NIBAN1: variants seen among roughly 807,000 people sequenced by gnomAD.
The protein encoded by NIBAN1 is protein Niban 1.
A neutral mutation model predicts 75.1 loss-of-function variants in NIBAN1; 81 were observed. That is an observed-to-expected ratio of 1.08 (90% confidence interval 0.90 to 1.30). The LOEUF (loss-of-function observed/expected upper bound fraction) is 1.30. NIBAN1 is among the 50% of genes most tolerant of loss of function. The probability of loss-of-function intolerance (pLI) is 0.00; values close to 1 mark genes in which losing one functional copy is unlikely to be tolerated. For synonymous variants in NIBAN1, 436 were observed against 424.8 expected, an observed-to-expected ratio of 1.03 and a Z score of -0.32; for missense variants, 1,133 against 1,128.1, an observed-to-expected ratio of 1.00 and a Z score of -0.06.
chr1:184,813,984 A>G (rs1317816653), intron 9 of NIBAN1, among the ~76,000 whole-genome samples: 1 of 152,240 alleles, frequency 6.6e-6, no homozygotes, highest in African/African-American at 2.4e-5. Flanking sequence ...ACTGAAAAAA[A>G]TAGGTTTACA....
At chr1:184,805,032 C>G (rs1470006327) in intron 11 of NIBAN1, among the ~76,000 whole-genome samples, 1 of 152,172 alleles carries the variant, frequency 6.6e-6, no homozygotes, top group East Asian at 1.9e-4. Context: ...TCGTGATCTG[C>G]CCGCCTCGGC....
At chr1:184,955,391 T>C (rs1054914023) in intron 1 of NIBAN1, among the ~76,000 whole-genome samples, 4 of 150,574 alleles carry the variant, frequency 2.7e-5, no homozygotes, top group Non-Finnish European at 5.9e-5. Context: ...AGATGGAGAC[T>C]TGCTCTGTCA....
At chr1:184,824,306 G>A (rs981146020) in intron 6 of NIBAN1, among the ~76,000 whole-genome samples, 6 of 152,150 alleles carry the variant, frequency 3.9e-5, no homozygotes, top group African/African-American at 4.8e-5. Flanking sequence ...TGAGAATGAC[G>A]TCTAGACCGA....
chr1:184,818,925 T>G (rs1654615098), intron 8 of NIBAN1, 100 bp from the exon 9 acceptor site: 1 of 1,335,934 alleles, frequency 7.5e-7, no homozygotes, highest in South Asian at 1.5e-5. Context: ...CGGAGCCATT[T>G]AACAGCCAAG....
chr1:184,912,246 T>C (rs1657260501), intron 1 of NIBAN1, among the ~76,000 whole-genome samples: 1 of 152,196 alleles, frequency 6.6e-6, no homozygotes, highest in African/African-American at 2.4e-5. Flanking sequence ...TATAGTACAA[T>C]TTATTTCCTT....
chr1:184,792,352 G>A lies in NIBAN1; in HGVS notation c.*2625C>T, dbSNP rs1653720993. 6.6e-6 allele frequency: 1 copy of A among 152,370 alleles called. No homozygotes were observed. The highest frequency in any genetic ancestry group is 2.1e-4 in the South Asian group (1 of 4,836). 9.4% of individuals were successfully genotyped at this position (152,370 alleles called of 1,614,324 possible). ...CTGACCTACATGATGGATAAAGTTA[G>A]GGCACTGATGTTCATCCATCCAATG... is the stretch of plus-strand genomic sequence containing the variant. On this transcript the variant is annotated 3_prime_UTR_variant, in exon 14 of 14. Coordinates refer to ENST00000367511, the MANE Select transcript of NIBAN1 (RefSeq NM_052966.4).
intron 1 of NIBAN1, among the ~76,000 whole-genome samples, chr1:184,922,418 A>G (rs1049198785): frequency 6.6e-6 from 1 of 152,042 alleles, no homozygotes; most frequent in Non-Finnish European, 1.5e-5. Flanking sequence ...GCCTCTGGTA[A>G]CTACTGTTCT....
intron 1 of NIBAN1, among the ~76,000 whole-genome samples, chr1:184,954,174 G>A (rs1448515986): frequency 6.6e-6 from 1 of 152,176 alleles, no homozygotes; most frequent in Non-Finnish European, 1.5e-5. Flanking sequence ...TTGGATGGGG[G>A]AAACCTTGGA....
Position 184,930,997 on chromosome 1 carries a change from C to CTTTTTTTTTTT in NIBAN1, c.56-31699_56-31689dup, listed in dbSNP as rs200932673. Among the ~76,000 whole-genome samples the CTTTTTTTTTTT allele has an allele frequency of 8.7e-5, 10 of 114,554 alleles. 4 individuals carry two copies. The highest frequency in any genetic ancestry group is 5.0e-5 in the Non-Finnish European group (3 of 60,466). The allele number at this position is 114,554 out of a possible 152,430, so 75.2% of individuals were successfully genotyped here. A position where few individuals can be genotyped will look rare whatever the true frequency, so the allele number is the denominator to read the frequency against. On this transcript the variant is annotated intron_variant, in intron 1 of 13. Coordinates refer to ENST00000367511, the MANE Select transcript of NIBAN1 (RefSeq NM_052966.4). ...GTTTCTAAGTGCACTTTTTCTTCTT[C>CTTTTTTTTTTT]TTTTTTTTTTTTTTTTTTTTGAGAC...
chr1:184,953,394 A>T (rs1658406330), intron 1 of NIBAN1, among the ~76,000 whole-genome samples: 1 of 152,210 alleles, frequency 6.6e-6, no homozygotes, highest in Non-Finnish European at 1.5e-5. Flanking sequence ...CTGTAAGTTC[A>T]TTTTATTTTG....
chr1:184,907,611 A>G (rs1412276938), intron 1 of NIBAN1, among the ~76,000 whole-genome samples: 1 of 152,228 alleles, frequency 6.6e-6, no homozygotes, highest in Non-Finnish European at 1.5e-5. Context: ...TAGGGTGGAG[A>G]AATTGGAAAT....
intron 5 of NIBAN1, among the ~76,000 whole-genome samples, chr1:184,882,931 AT>A (rs1271456138): frequency 1.3e-5 from 2 of 152,150 alleles, no homozygotes; most frequent in Admixed American, 6.5e-5. Context: ...TAAGGGTATC[AT>A]TTTTTTAAAA....
intron 5 of NIBAN1, among the ~76,000 whole-genome samples, chr1:184,860,127 T>C (rs894188292): frequency 6.6e-6 from 1 of 151,790 alleles, no homozygotes; most frequent in African/African-American, 2.4e-5. Flanking sequence ...AGAACTATGG[T>C]GTGAGTGGGG....
intron 6 of NIBAN1, among the ~76,000 whole-genome samples, chr1:184,826,554 A>C (rs1654846653): frequency 6.6e-6 from 1 of 152,174 alleles, no homozygotes; most frequent in Non-Finnish European, 1.5e-5. Context: ...AGGAAGAGAG[A>C]CCAATGCCAG....
intron 1 of NIBAN1, among the ~76,000 whole-genome samples, chr1:184,900,171 A>T (rs1159172794): frequency 6.6e-6 from 1 of 152,132 alleles, no homozygotes; most frequent in Non-Finnish European, 1.5e-5. Context: ...TGTGACTCAC[A>T]GTCCTGGATA....
intron 1 of NIBAN1, among the ~76,000 whole-genome samples, chr1:184,931,601 A>G (rs1206802488): frequency 1.3e-5 from 2 of 152,246 alleles, no homozygotes; most frequent in Non-Finnish European, 2.9e-5. Flanking sequence ...AAGAATGACC[A>G]CAATTCTGTA....
intron 1 of NIBAN1, among the ~76,000 whole-genome samples, chr1:184,970,346 T>G (rs1358617702): frequency 2.6e-5 from 4 of 152,126 alleles, no homozygotes; most frequent in Non-Finnish European, 4.4e-5. Context: ...CCAGTTCTTA[T>G]GCCCATCTCC....
intron 1 of NIBAN1, among the ~76,000 whole-genome samples, chr1:184,966,946 C>A (rs1039061540): frequency 1.3e-5 from 2 of 152,116 alleles, no homozygotes; most frequent in Admixed American, 6.5e-5. Flanking sequence ...CATAGAAATA[C>A]AAACTTCCTT....
chr1:184,898,128 T>C (rs985423446), intron 2 of NIBAN1, among the ~76,000 whole-genome samples: 1 of 152,202 alleles, frequency 6.6e-6, no homozygotes, highest in African/African-American at 2.4e-5. Context: ...GCTGTCATTG[T>C]TCCTCCCTCC....
Sources: allele counts gnomAD v4.1 joint callset (sites outside exome capture counted in the v4.1 genomes callset), GRCh38; gene constraint gnomAD v4.1.1; transcripts MANE v1.5; gene names NCBI Gene and HGNC (gene_info 2026-07-23, HGNC 2026-07-21).